Variants in ADAMTSL3 observed in about 807,000 individuals in gnomAD.
The protein encoded by ADAMTSL3 is ADAMTS like 3.
In ADAMTSL3, 128 loss-of-function variants were observed where a neutral mutation model predicts 201.7. The observed-to-expected ratio is 0.63, with a 90% confidence interval of 0.55 to 0.73. The LOEUF is 0.73. ADAMTSL3 is among the 30% of genes least tolerant of loss of function. ADAMTSL3 has a pLI of 0.00. For missense variants in ADAMTSL3, 1,990 were observed against 2,119.6 expected (o/e 0.94, Z 1.20); for synonymous variants, 738 against 748.4 (o/e 0.99, Z 0.23).
intron 15 of ADAMTSL3, among the ~76,000 whole-genome samples, chr15:83,904,190 G>A (rs2065790952): frequency 6.6e-6 from 1 of 151,640 alleles, no homozygotes; most frequent in Admixed American, 6.6e-5. Flanking sequence ...CCCACCTTCT[G>A]CCATCTCTCC....
At chr15:83,941,152 A>G (rs1431593445) in intron 17 of ADAMTSL3, among the ~76,000 whole-genome samples, 4 of 151,846 alleles carry the variant, frequency 2.6e-5, no homozygotes, top group African/African-American at 9.7e-5. Flanking sequence ...TTTAATCTCC[A>G]TACTTGTATG....
At chr15:83,776,846 A>G (rs1340314200) in intron 4 of ADAMTSL3, among the ~76,000 whole-genome samples, 2 of 152,208 alleles carry the variant, frequency 1.3e-5, no homozygotes, top group African/African-American at 2.4e-5. Context: ...TTATGAGACC[A>G]AAAAAGTTCA....
chr15:83,839,782 C>A (rs969294593), intron 7 of ADAMTSL3, among the ~76,000 whole-genome samples: 2 of 152,082 alleles, frequency 1.3e-5, no homozygotes, highest in African/African-American at 4.8e-5. Context: ...AATTTTCCAT[C>A]TTGTGCAGCT....
intron 14 of ADAMTSL3, 125 bp downstream of exon 14, chr15:83,898,130 T>TA: frequency 9.4e-7 from 1 of 1,062,832 alleles, no homozygotes; most frequent in Non-Finnish European, 1.3e-6. Flanking sequence ...CAGATTGCAA[T>TA]AGACCTTCCC....
At chr15:83,708,500 G>GC (rs1293691990) in intron 3 of ADAMTSL3, among the ~76,000 whole-genome samples, 3 of 151,998 alleles carry the variant, frequency 2.0e-5, no homozygotes, top group African/African-American at 4.8e-5. Flanking sequence ...CATACGGAGG[G>GC]CCGCGGCAGC....
intron 2 of ADAMTSL3, among the ~76,000 whole-genome samples, chr15:83,702,170 A>G (rs968635586): frequency 3.9e-5 from 6 of 152,154 alleles, no homozygotes; most frequent in Non-Finnish European, 8.8e-5. Flanking sequence ...GAGAGAGAAG[A>G]TTTAGGGTAC....
intron 9 of ADAMTSL3, among the ~76,000 whole-genome samples, chr15:83,880,359 G>A (rs922579792): frequency 3.3e-5 from 5 of 152,028 alleles, no homozygotes; most frequent in South Asian, 4.2e-4. Context: ...AGCAGATTAC[G>A]ACCAGCAGGC....
chr15:83,884,194 C>G (rs1012973204), intron 9 of ADAMTSL3, among the ~76,000 whole-genome samples: 1 of 151,916 alleles, frequency 6.6e-6, no homozygotes, highest in African/African-American at 2.4e-5. Context: ...TGCCTGGCCA[C>G]ATTAATCTTT....
chr15:83,759,953 T>C (rs543196846), intron 3 of ADAMTSL3, among the ~76,000 whole-genome samples: 41 of 152,284 alleles, frequency 2.7e-4, no homozygotes, highest in African/African-American at 8.9e-4. Context: ...TTTTAGTGAC[T>C]TTTCTCTCTT....
At chr15:83,770,715 T>A (rs1567133322) in intron 3 of ADAMTSL3, among the ~76,000 whole-genome samples, 1 of 152,186 alleles carries the variant, frequency 6.6e-6, no homozygotes, top group African/African-American at 2.4e-5. Flanking sequence ...TAACATACAT[T>A]TCTAATAGAT....
intron 19 of ADAMTSL3, among the ~76,000 whole-genome samples, chr15:83,953,165 A>C (rs567564341): frequency 6.6e-6 from 1 of 152,106 alleles, no homozygotes; most frequent in East Asian, 1.9e-4. Context: ...TTCTCCTGCC[A>C]TTTTGTTATT....
chr15:83,801,656 AT>A (rs60599687), intron 4 of ADAMTSL3, among the ~76,000 whole-genome samples: 19,338 of 61,588 alleles, frequency 0.31, 3,845 homozygotes, highest in East Asian at 0.53. Context: ...ATATAAATAT[AT>A]ATATATATAT....
At chr15:83,676,662 A>G (rs1388260670) in intron 2 of ADAMTSL3, among the ~76,000 whole-genome samples, 1 of 152,220 alleles carries the variant, frequency 6.6e-6, no homozygotes. Flanking sequence ...TGGGCGACAG[A>G]GTAACACTCC....
chr15:83,759,181 C>T (rs2062767951), intron 3 of ADAMTSL3, among the ~76,000 whole-genome samples: 1 of 151,806 alleles, frequency 6.6e-6, no homozygotes, highest in Admixed American at 6.6e-5. Flanking sequence ...TCATGTGTAC[C>T]CATACCCAGA....
chr15:83,822,688 A>G (rs1172488091), intron 6 of ADAMTSL3, among the ~76,000 whole-genome samples: 1 of 148,454 alleles, frequency 6.7e-6, no homozygotes, highest in Non-Finnish European at 1.5e-5. Flanking sequence ...GCGGCCGGGC[A>G]GAGACGCTCC....
chr15:83,853,376 C>T (rs1001643350), intron 7 of ADAMTSL3, among the ~76,000 whole-genome samples: 9 of 152,084 alleles, frequency 5.9e-5, no homozygotes, highest in South Asian at 2.1e-4. Flanking sequence ...TTCAGTCATA[C>T]GGTGCTGACT....
chr15:84,029,121 G>A (rs1044979502), intron 27 of ADAMTSL3, among the ~76,000 whole-genome samples: 3 of 152,306 alleles, frequency 2.0e-5, no homozygotes, highest in African/African-American at 4.8e-5. Context: ...AGCAGAGAGA[G>A]GGATGTTGCT....
intron 2 of ADAMTSL3, among the ~76,000 whole-genome samples, chr15:83,694,645 C>A (rs2061656111): frequency 6.6e-6 from 1 of 152,082 alleles, no homozygotes; most frequent in Admixed American, 6.5e-5. Context: ...GCAAGGCTTT[C>A]TTTCCGCTCC....
intron 2 of ADAMTSL3, among the ~76,000 whole-genome samples, chr15:83,657,658 A>G (rs902496948): frequency 5.3e-5 from 8 of 152,372 alleles, no homozygotes; most frequent in Admixed American, 5.2e-4. Flanking sequence ...AAATGTCAGC[A>G]TTCTGCTGTT....
Sources: allele counts gnomAD v4.1 joint callset (sites outside exome capture counted in the v4.1 genomes callset), GRCh38; gene constraint gnomAD v4.1.1; transcripts MANE v1.5; gene names NCBI Gene and HGNC (gene_info 2026-07-23, HGNC 2026-07-21).